The following GHR variants were observed in gnomAD, a reference collection of about 807,000 sequenced individuals.
The protein encoded by GHR is GH receptor.
A neutral mutation model predicts 67.1 loss-of-function variants in GHR; 35 were observed. The observed-to-expected ratio is 0.52, with a 90% CI of 0.40 to 0.69. The LOEUF is 0.69. GHR is among the 30% of genes least tolerant of loss of function. GHR has a pLI of 0.00. For missense variants in GHR, 792 were observed against 764.6 expected, an observed-to-expected ratio of 1.04 and a Z score of -0.42; for synonymous variants, 272 against 269.1, an observed-to-expected ratio of 1.01 and a Z score of -0.10.
chr5:42,587,220 G>A (rs567023373), intron 2 of GHR, among the ~76,000 whole-genome samples: 1 of 151,572 alleles, frequency 6.6e-6, no homozygotes, highest in Non-Finnish European at 1.5e-5. Context: ...GCCCCATGAA[G>A]GCATTATGCT....
intron 2 of GHR, among the ~76,000 whole-genome samples, chr5:42,586,524 A>G (rs994943421): frequency 8.5e-5 from 13 of 152,248 alleles, no homozygotes; most frequent in African/African-American, 3.1e-4. Context: ...GATCTAGATT[A>G]AGGGACTATC....
chr5:42,558,231 A>G (rs1031964762), intron 1 of GHR, among the ~76,000 whole-genome samples: 5 of 152,216 alleles, frequency 3.3e-5, no homozygotes, highest in African/African-American at 1.2e-4. Flanking sequence ...AAGTCACCTA[A>G]GTCTTTAGTG....
At chr5:42,467,112 C>T in intron 1 of GHR, 3 of 1,596,188 alleles carry the variant, frequency 1.9e-6, no homozygotes, top group Non-Finnish European at 2.6e-6. Context: ...ATGTGAAGGC[C>T]TTCCCACATT....
chr5:42,636,350 A>G (rs1484874967), intron 3 of GHR, among the ~76,000 whole-genome samples: 1 of 152,204 alleles, frequency 6.6e-6, no homozygotes, highest in Non-Finnish European at 1.5e-5. Context: ...ACATTTTTTA[A>G]AGGGATAATT....
At chr5:42,474,325 G>GAA (rs371532332) in intron 1 of GHR, among the ~76,000 whole-genome samples, 1 of 132,300 alleles carries the variant, frequency 7.6e-6, no homozygotes, top group Non-Finnish European at 1.7e-5. Flanking sequence ...AAGAAAGAAA[G>GAA]AAAGAAAGAA....
intron 1 of GHR, among the ~76,000 whole-genome samples, chr5:42,477,242 T>C (rs1361383071): frequency 1.3e-5 from 2 of 152,148 alleles, no homozygotes; most frequent in African/African-American, 4.8e-5. Flanking sequence ...TAGTATTCCA[T>C]GGTGTATATG....
intron 3 of GHR, among the ~76,000 whole-genome samples, chr5:42,664,275 T>C (rs915922689): frequency 1.6e-3 from 236 of 152,222 alleles, no homozygotes; most frequent in African/African-American, 4.9e-3. Context: ...AAAAAGAGCC[T>C]GCATCGCCAA....
chr5:42,425,090 A>G (rs919961559), intron 1 of GHR: 8 of 798,924 alleles, frequency 1.0e-5, no homozygotes, highest in Non-Finnish European at 1.2e-5. Context: ...GCATAGGATT[A>G]AGTATTAAGG....
intron 1 of GHR, among the ~76,000 whole-genome samples, chr5:42,546,448 T>C (rs994081031): frequency 1.3e-5 from 2 of 152,204 alleles, no homozygotes; most frequent in African/African-American, 4.8e-5. Flanking sequence ...GGGATGCTCA[T>C]TGCCCTGAAG....
At chr5:42,534,196 G>GTGTATATA (rs1304533154) in intron 1 of GHR, among the ~76,000 whole-genome samples, 5 of 137,006 alleles carry the variant, frequency 3.6e-5, no homozygotes, top group African/African-American at 5.7e-5. Flanking sequence ...ATATGTACAT[G>GTGTATATA]TGTATATATG....
At chr5:42,694,625 G>A (rs1235066980) in intron 4 of GHR, among the ~76,000 whole-genome samples, 8 of 152,128 alleles carry the variant, frequency 5.3e-5, no homozygotes, top group Admixed American at 3.3e-4. Context: ...TATACAACTG[G>A]CATAATAAAG....
chr5:42,479,538 T>G (rs1395121901), intron 1 of GHR, among the ~76,000 whole-genome samples: 2 of 152,240 alleles, frequency 1.3e-5, no homozygotes, highest in Non-Finnish European at 2.9e-5. Flanking sequence ...GTTCGTAAGC[T>G]ATTCATTATT....
intron 3 of GHR, among the ~76,000 whole-genome samples, chr5:42,645,057 A>G (rs1226322485): frequency 6.6e-6 from 1 of 152,198 alleles, no homozygotes; most frequent in Non-Finnish European, 1.5e-5. Flanking sequence ...TTATATGAAC[A>G]GATTAGTTTA....
At chr5:42,642,338 A>G (rs1400797430) in intron 3 of GHR, among the ~76,000 whole-genome samples, 10 of 152,114 alleles carry the variant, frequency 6.6e-5, no homozygotes, top group Non-Finnish European at 1.5e-4. Flanking sequence ...CACAACCTTG[A>G]CCATCACCAC....
intron 3 of GHR, among the ~76,000 whole-genome samples, chr5:42,674,029 G>C (rs1266307628): frequency 2.0e-5 from 3 of 152,068 alleles, no homozygotes; most frequent in African/African-American, 7.2e-5. Flanking sequence ...AATTATTTCT[G>C]TCTGTAGACC....
At chr5:42,604,913 T>C (rs1049874938) in intron 2 of GHR, among the ~76,000 whole-genome samples, 2 of 152,084 alleles carry the variant, frequency 1.3e-5, no homozygotes, top group Non-Finnish European at 2.9e-5. Flanking sequence ...GGTCAGTTTA[T>C]AGAGGATTTA....
At chr5:42,607,189 A>C (rs1159677546) in intron 2 of GHR, among the ~76,000 whole-genome samples, 2 of 152,142 alleles carry the variant, frequency 1.3e-5, no homozygotes, top group African/African-American at 4.8e-5. Flanking sequence ...CTCCCCAGCC[A>C]TGTGGAACTG....
chr5:42,690,547 A>G (rs894614733), intron 4 of GHR, among the ~76,000 whole-genome samples: 1 of 152,226 alleles, frequency 6.6e-6, no homozygotes, highest in Non-Finnish European at 1.5e-5. Context: ...TAAAATGACT[A>G]TAAATTGTAT....
intron 3 of GHR, among the ~76,000 whole-genome samples, chr5:42,671,955 C>CAAAA (rs33965774): frequency 9.0e-6 from 1 of 111,154 alleles, no homozygotes; most frequent in African/African-American, 3.7e-5. Flanking sequence ...GACTCCGTCT[C>CAAAA]AAAAAAAAAA....
Sources: gnomAD v4.1 joint callset for allele counts (sites outside exome capture counted in the v4.1 genomes callset) on GRCh38, gnomAD v4.1.1 for gene constraint, MANE v1.5 for transcripts, NCBI Gene and HGNC (gene_info 2026-07-23, HGNC 2026-07-21) for gene names.